Variants in RFPL1 observed in about 807,000 individuals in gnomAD.
The protein encoded by RFPL1 is ret finger protein like 1.
Under a neutral mutation model 9.6 loss-of-function variants are expected in RFPL1, and 6 were observed. That is an observed-to-expected ratio of 0.62 (90% CI 0.34 to 1.23). RFPL1 has a LOEUF of 1.23. RFPL1 is among the 50% of genes most tolerant of loss of function. RFPL1 has a pLI of 0.03. For missense variants in RFPL1, 352 were observed against 398.4 expected, an observed-to-expected ratio of 0.88 and a Z score of 0.99; for synonymous variants, 145 against 149.4, an observed-to-expected ratio of 0.97 and a Z score of 0.22.
chr22:29,429,765 C>T, the RFPL1 span, among the ~76,000 whole-genome samples: 3 of 152,166 alleles, frequency 2.0e-5, no homozygotes, highest in Non-Finnish European at 4.4e-5. Context: ...TTAGAAATGA[C>T]AAACTTAGTA....
chr22:29,410,488 GATAT>G, the RFPL1 span, among the ~76,000 whole-genome samples: 1 of 51,742 alleles, frequency 1.9e-5, no homozygotes, highest in Non-Finnish European at 3.1e-5. Context: ...ATATATTGTA[GATAT>G]ATATCTATAT....
At chr22:29,435,647 A>G (rs2062805073), upstream of RFPL1, among the ~76,000 whole-genome samples, 1 of 152,172 alleles carries the variant, frequency 6.6e-6, no homozygotes, top group Admixed American at 6.5e-5. Context: ...ACTGAATCCC[A>G]AGGAGTGATC....
At chr22:29,409,849 T>C in the RFPL1 span, among the ~76,000 whole-genome samples, 1 of 151,984 alleles carries the variant, frequency 6.6e-6, no homozygotes, top group African/African-American at 2.4e-5. Flanking sequence ...GTCACTGGAG[T>C]TTATGACCAA....
the RFPL1 span, among the ~76,000 whole-genome samples, chr22:29,420,842 C>A: frequency 6.6e-6 from 1 of 151,496 alleles, no homozygotes; most frequent in Non-Finnish European, 1.5e-5. Flanking sequence ...GGTTTCACCA[C>A]GTTGGCCTGG....
At chr22:29,411,180 T>C in the RFPL1 span, among the ~76,000 whole-genome samples, 1 of 152,196 alleles carries the variant, frequency 6.6e-6, no homozygotes, top group Non-Finnish European at 1.5e-5. Context: ...TTGTACCAGG[T>C]ACTGTGTTAG....
the RFPL1 span, among the ~76,000 whole-genome samples, chr22:29,405,355 A>C: frequency 1.3e-5 from 2 of 152,200 alleles, no homozygotes; most frequent in Non-Finnish European, 2.9e-5. Flanking sequence ...GAATCACCTG[A>C]TGGGTGATTT....
chr22:29,396,975 C>T, the RFPL1 span, among the ~76,000 whole-genome samples: 44,418 of 143,846 alleles, frequency 0.31, 7,955 homozygotes, highest in African/African-American at 0.5. Context: ...GGCTTGATCT[C>T]GGCTCACTGC....
the RFPL1 span, among the ~76,000 whole-genome samples, chr22:29,427,875 C>A: frequency 2.6e-5 from 4 of 152,276 alleles, no homozygotes; most frequent in East Asian, 7.7e-4. Context: ...ATGAATCCTG[C>A]CCTTTGGTCA....
At chr22:29,429,418 A>AAG in the RFPL1 span, among the ~76,000 whole-genome samples, 23 of 151,856 alleles carry the variant, frequency 1.5e-4, no homozygotes, top group African/African-American at 1.9e-4. Context: ...AACTAAGAAA[A>AAG]AAGAAGAAGA....
At chr22:29,417,279 G>A in the RFPL1 span, among the ~76,000 whole-genome samples, 1 of 151,926 alleles carries the variant, frequency 6.6e-6, no homozygotes, top group Non-Finnish European at 1.5e-5. Flanking sequence ...GTGAAGGAGA[G>A]CAGCTTTGTC....
the RFPL1 span, among the ~76,000 whole-genome samples, chr22:29,393,006 G>A: frequency 2.0e-5 from 3 of 152,222 alleles, no homozygotes; most frequent in African/African-American, 7.2e-5. Flanking sequence ...CCCCTTGGGG[G>A]CTCACTGTTG....
At chr22:29,432,740 A>T in the RFPL1 span, among the ~76,000 whole-genome samples, 2 of 152,276 alleles carry the variant, frequency 1.3e-5, no homozygotes, top group South Asian at 4.1e-4. Context: ...CCTTCATTCC[A>T]ACTAGCATTT....
the RFPL1 span, among the ~76,000 whole-genome samples, chr22:29,397,846 A>G: frequency 0.41 from 62,313 of 151,822 alleles, 14,051 homozygotes; most frequent in East Asian, 0.76. Context: ...ACTTCATGAC[A>G]CCCAGACTCT....
chr22:29,395,963 ACT>A, the RFPL1 span, among the ~76,000 whole-genome samples: 5 of 152,052 alleles, frequency 3.3e-5, no homozygotes, highest in South Asian at 2.1e-4. Context: ...ACAGAGCGAG[ACT>A]CTGTCGAAAA....
chr22:29,395,864 TA>T, the RFPL1 span, among the ~76,000 whole-genome samples: 6 of 152,002 alleles, frequency 3.9e-5, no homozygotes, highest in Admixed American at 6.6e-5. Flanking sequence ...TCCCAACTAC[TA>T]GGGGGGCTGA....
In RFPL1 at chr22:29,441,989, C is replaced by T. The variant is rs200822870; in HGVS notation, c.821C>T (p.Ser274Phe). 2.5e-6 allele frequency: 4 copies of T among 1,614,136 alleles called. No individual in the cohort carries two copies. In the Admixed American group the frequency reaches 6.7e-5, roughly 27 times the overall value. The stretch of plus-strand genomic sequence containing the variant: ...CATGTCTATACATTCAGGAGTGTCT[C>T]TGCTGAGGAGCCACTGCACTTGTTT... Residue 274 changes from serine (S) to phenylalanine (F), a missense_variant, in exon 2 of 2, where the codon TCT becomes TTT. Ser to Phe is a radical substitution (Grantham distance 155, BLOSUM62 -2). Coordinates refer to ENST00000354373, the Ensembl canonical transcript of RFPL1.
At chr22:29,405,202 T>G in the RFPL1 span, among the ~76,000 whole-genome samples, 1 of 152,288 alleles carries the variant, frequency 6.6e-6, no homozygotes, top group Admixed American at 6.5e-5. Flanking sequence ...AGTACAGGAT[T>G]GCTTTGGAAG....
At chr22:29,408,444 C>T in the RFPL1 span, among the ~76,000 whole-genome samples, 2 of 152,228 alleles carry the variant, frequency 1.3e-5, no homozygotes, top group African/African-American at 4.8e-5. Flanking sequence ...TCCCCCAAGG[C>T]TCCTTGTGGG....
At chr22:29,431,364 T>G in the RFPL1 span, among the ~76,000 whole-genome samples, 1 of 152,166 alleles carries the variant, frequency 6.6e-6, no homozygotes, top group Non-Finnish European at 1.5e-5. Context: ...GAACTTAAAT[T>G]TTCAGTACCC....
Sources: gnomAD v4.1 joint callset for allele counts (sites outside exome capture counted in the v4.1 genomes callset) on GRCh38, gnomAD v4.1.1 for gene constraint, MANE v1.5 for transcripts, NCBI Gene and HGNC (gene_info 2026-07-23, HGNC 2026-07-21) for gene names.